The following ZNF438 variants were observed in gnomAD, a reference collection of about 807,000 sequenced individuals.
ZNF438 encodes zinc finger protein 438.
In ZNF438, 25 loss-of-function variants were observed where a neutral mutation model predicts 38.0. The observed-to-expected ratio is 0.66, with a 90% CI of 0.48 to 0.92. The LOEUF (loss-of-function observed/expected upper bound fraction) is 0.92, where lower values mean the gene tolerates loss of function less well. ZNF438 is among the 40% of genes least tolerant of loss of function. The pLI, the probability that ZNF438 is intolerant of heterozygous loss-of-function variation, is 0.00. For synonymous variants in ZNF438, 372 were observed against 364.1 expected (o/e 1.02, Z -0.25); for missense variants, 1,007 against 999.6 (o/e 1.01, Z -0.10).
At position 30,955,016 on chromosome 10, in the gene ZNF438, C is replaced by T. The variant is rs141402347; in HGVS notation, c.-191-13365G>A. Among the ~76,000 whole-genome samples the T allele has an allele frequency of 4.6e-5, 7 of 152,220 alleles. No individual in the cohort carries two copies. In the East Asian group the frequency reaches 1.3e-3, roughly 29 times the overall value. On this transcript the variant is annotated intron_variant, in intron 1 of 5. Transcript: ENST00000413025. ...TCAGTATATCAAAATTTCTATGGACCAGTAAAGCTGTATGTTTCCTGTTTC... is the reference window on the plus strand; with the variant it reads ...TCAGTATATCAAAATTTCTATGGACTAGTAAAGCTGTATGTTTCCTGTTTC...
In ZNF438 at chr10:30,993,128, A is replaced by C. The variant is rs1418455983; in HGVS notation, c.-192+38705T>G. Reference sequence around the variant, plus strand: ...AGAATTTAAAAAGCTTGTTTAGGAAAGGAAACCAAGAATGTGGCCTAGCAA... The same window carrying C: ...AGAATTTAAAAAGCTTGTTTAGGAACGGAAACCAAGAATGTGGCCTAGCAA... On this transcript the variant is annotated intron_variant, in intron 1 of 5. Coordinates refer to ENST00000413025, the Ensembl canonical transcript of ZNF438. Among the ~76,000 whole-genome samples the C allele has an allele frequency of 1.1e-4, 17 of 152,228 alleles. 1 individual carries two copies. Among genetic ancestry groups the C allele is most frequent in the Admixed American group, 1.1e-3 (17 of 15,280 alleles).
chr10:30,859,232 C>T (rs536790207), intron 4 of ZNF438, among the ~76,000 whole-genome samples: 6 of 152,258 alleles, frequency 3.9e-5, no homozygotes, highest in Non-Finnish European at 5.9e-5. Flanking sequence ...CAGGCGCACA[C>T]CAACATGCTG....
chr10:30,992,526 C>T (rs2053608574), intron 1 of ZNF438, among the ~76,000 whole-genome samples: 1 of 151,990 alleles, frequency 6.6e-6, no homozygotes, highest in African/African-American at 2.4e-5. Context: ...GATTCTCCTG[C>T]CTCAGCCTCC....
At chr10:30,849,539 T>C (rs141625367) in exon 5 of ZNF438, 23 of 1,614,130 alleles carry the variant, frequency 1.4e-5, no homozygotes, top group Non-Finnish European at 1.9e-5. Context: ...CAGTTTCCCT[T>C]TGGGGACTGA....
intron 1 of ZNF438, among the ~76,000 whole-genome samples, chr10:31,012,751 C>T (rs1194725324): frequency 6.6e-6 from 1 of 152,206 alleles, no homozygotes; most frequent in Non-Finnish European, 1.5e-5. Context: ...AACCATCCTC[C>T]AAGCTTCACT....
chr10:30,881,769 A>G (rs897501695), intron 3 of ZNF438, among the ~76,000 whole-genome samples: 2 of 152,080 alleles, frequency 1.3e-5, no homozygotes, highest in African/African-American at 4.8e-5. Flanking sequence ...GAGAGTCCAT[A>G]AATAAATCTA....
chr10:30,894,828 T>C (rs1444751504), intron 3 of ZNF438, among the ~76,000 whole-genome samples: 2 of 152,348 alleles, frequency 1.3e-5, no homozygotes, highest in Admixed American at 6.5e-5. Flanking sequence ...ATAGTACTTT[T>C]GTGTGCACGG....
At chr10:31,003,413 A>G (rs2054845593) in intron 1 of ZNF438, among the ~76,000 whole-genome samples, 1 of 151,700 alleles carries the variant, frequency 6.6e-6, no homozygotes, top group Non-Finnish European at 1.5e-5. Context: ...TTGTTTTAAA[A>G]CCCTGTTCTG....
intron 1 of ZNF438, among the ~76,000 whole-genome samples, chr10:30,980,254 TAA>T (rs368647419): frequency 5.9e-5 from 8 of 136,252 alleles, no homozygotes; most frequent in African/African-American, 8.2e-5. Context: ...TGTTTAACAT[TAA>T]AAAAAAAAAA....
intron 3 of ZNF438, among the ~76,000 whole-genome samples, chr10:30,898,077 G>T (rs908315897): frequency 3.9e-5 from 6 of 152,118 alleles, no homozygotes; most frequent in Non-Finnish European, 8.8e-5. Context: ...TGATTAGTTT[G>T]GGGGGTTAAC....
At chr10:30,943,255 A>G (rs79557639) in intron 1 of ZNF438, among the ~76,000 whole-genome samples, 12,084 of 152,194 alleles carry the variant, frequency 0.079, 579 homozygotes, top group Non-Finnish European at 0.11. Flanking sequence ...TTGTTTCTCT[A>G]TGGTTAGAAA....
At chr10:30,975,335 C>T (rs1021101605) in intron 1 of ZNF438, among the ~76,000 whole-genome samples, 3 of 152,158 alleles carry the variant, frequency 2.0e-5, no homozygotes, top group Admixed American at 6.5e-5. Flanking sequence ...TGACTAGGCA[C>T]ATTCAAGATG....
At chr10:30,978,353 A>C (rs1201743514) in intron 1 of ZNF438, among the ~76,000 whole-genome samples, 5 of 152,222 alleles carry the variant, frequency 3.3e-5, no homozygotes, top group African/African-American at 1.2e-4. Context: ...AGGATGACTA[A>C]GTTTTAGCAT....
intron 1 of ZNF438, among the ~76,000 whole-genome samples, chr10:30,990,548 C>A (rs950184807): frequency 2.0e-5 from 3 of 152,190 alleles, no homozygotes; most frequent in South Asian, 4.1e-4. Flanking sequence ...TTATTACAAG[C>A]CCACCAGGTG....
At position 30,928,016 on chromosome 10, in the gene ZNF438, A is replaced by G. The variant is rs61576249; in HGVS notation, c.-115+13559T>C. 1.9e-3 allele frequency among the ~76,000 whole-genome samples: 288 copies of G among 152,286 alleles called. 1 individual carries two copies. Among genetic ancestry groups the G allele is most frequent in the African/African-American group, 6.5e-3 (269 of 41,572 alleles). On this transcript the variant is annotated intron_variant, in intron 2 of 5. Coordinates refer to ENST00000413025, the Ensembl canonical transcript of ZNF438. ...TGGCACTCTTATTTCTGATTTGTCT[A>G]TTTTATTTGGGTCTCCGTACAATAA...
chr10:30,928,815 T>C (rs926763665), intron 2 of ZNF438, among the ~76,000 whole-genome samples: 8 of 152,162 alleles, frequency 5.3e-5, no homozygotes, highest in Non-Finnish European at 1.2e-4. Flanking sequence ...GCTGTCCAGC[T>C]GGAGTGAGGT....
At chr10:30,930,508 A>G (rs896432600) in intron 2 of ZNF438, among the ~76,000 whole-genome samples, 4 of 152,068 alleles carry the variant, frequency 2.6e-5, no homozygotes, top group Non-Finnish European at 5.9e-5. Flanking sequence ...AGTGGGCTGA[A>G]GGGCTCCTCA....
intron 1 of ZNF438, among the ~76,000 whole-genome samples, chr10:31,012,894 C>T (rs1054414413): frequency 3.9e-5 from 6 of 152,164 alleles, no homozygotes; most frequent in African/African-American, 1.4e-4. Context: ...GGAATCTGAC[C>T]TAATAACCTC....
In ZNF438 at chr10:30,844,924, C is replaced by G. The variant is rs2132559761; in HGVS notation, c.*37G>C. 3 of 1,587,238 alleles carry G rather than the reference C, an allele frequency of 1.9e-6. No homozygotes were observed. In the East Asian group the frequency reaches 6.7e-5, roughly 36 times the overall value. ...ACGAAGCTCTGAAGGAAGGTGGCGG[C>G]AGAGCTCTCTCCTTAACCCCAGGCT... On this transcript the variant is annotated 3_prime_UTR_variant, in exon 6 of 6. Transcript: ENST00000413025.
Sources: gnomAD v4.1 joint callset for allele counts (sites outside exome capture counted in the v4.1 genomes callset) on GRCh38, gnomAD v4.1.1 for gene constraint, MANE v1.5 for transcripts, NCBI Gene and HGNC (gene_info 2026-07-23, HGNC 2026-07-21) for gene names.